CCNY: variants seen among roughly 807,000 people sequenced by gnomAD.
CCNY encodes cyclin Y.
CCNY carries 19 observed loss-of-function variants against 42.8 expected under a neutral mutation model. The observed-to-expected ratio is 0.44, with a 90% CI of 0.31 to 0.65. CCNY has a LOEUF of 0.65. Ranked by LOEUF, CCNY falls within the 30% of genes least tolerant of loss-of-function variation. The pLI is 0.07. For missense variants in CCNY, 370 were observed against 437.3 expected (o/e 0.85, Z 1.37); for synonymous variants, 165 against 162.7 (o/e 1.01, Z -0.11).
At chr10:35,299,243 T>C (rs929376781) in intron 3 of CCNY, among the ~76,000 whole-genome samples, 7 of 152,240 alleles carry the variant, frequency 4.6e-5, no homozygotes, top group Admixed American at 3.3e-4. Context: ...TAGTCTGCCA[T>C]TGCAGGGTGG....
intron 8 of CCNY, among the ~76,000 whole-genome samples, chr10:35,561,752 T>G (rs1841471451): frequency 6.6e-6 from 1 of 152,236 alleles, no homozygotes; most frequent in Non-Finnish European, 1.5e-5. Context: ...AGTCTCCCCA[T>G]GTACCTTTGG....
intron 1 of CCNY, among the ~76,000 whole-genome samples, chr10:35,391,817 C>T (rs921633506): frequency 2.6e-5 from 4 of 152,130 alleles, no homozygotes; most frequent in African/African-American, 9.7e-5. Context: ...CCTCCCTCTT[C>T]CTGTTATCCC....
intron 2 of CCNY, among the ~76,000 whole-genome samples, chr10:35,499,659 G>C (rs1341730531): frequency 1.3e-5 from 2 of 152,198 alleles, no homozygotes; most frequent in Non-Finnish European, 2.9e-5. Flanking sequence ...GCTGATGTAG[G>C]GTGTTGAGGT....
chr10:35,283,551 G>A (rs942128756), intron 3 of CCNY, among the ~76,000 whole-genome samples: 9 of 151,988 alleles, frequency 5.9e-5, no homozygotes, highest in African/African-American at 1.2e-4. Flanking sequence ...CCACAGGCAC[G>A]TGCCACCACG....
intron 3 of CCNY, among the ~76,000 whole-genome samples, chr10:35,305,319 T>C (rs1835594090): frequency 6.6e-6 from 1 of 152,222 alleles, no homozygotes; most frequent in Non-Finnish European, 1.5e-5. Context: ...ATTGTAAAAA[T>C]ACATGCTGTT....
intron 1 of CCNY, among the ~76,000 whole-genome samples, chr10:35,355,511 C>T (rs1836525516): frequency 6.6e-6 from 1 of 151,744 alleles, no homozygotes; most frequent in Non-Finnish European, 1.5e-5. Context: ...AACCCCATCT[C>T]TACCAAAAAT....
Position 35,336,564 on chromosome 10 carries a change from C to A in CCNY, c.-490C>A, listed in dbSNP as rs1032236875. Among the ~76,000 whole-genome samples, 1 of 148,828 alleles carries A rather than the reference C, an allele frequency of 6.7e-6. No homozygotes were observed. Among genetic ancestry groups the A allele is most frequent in the Non-Finnish European group, 1.5e-5 (1 of 66,764 alleles). On this transcript the variant is annotated 5_prime_UTR_variant, in exon 1 of 10. Coordinates refer to ENST00000374704, the MANE Select transcript of CCNY (RefSeq NM_145012.6). ...GAGGAGTCCGGGGGCTGCGCCCACG[C>A]CCGCTGCCCGCCCGCTCGTCGGCTA...
intron 1 of CCNY, among the ~76,000 whole-genome samples, chr10:35,372,356 T>G (rs1836955793): frequency 2.0e-5 from 3 of 152,346 alleles, no homozygotes; most frequent in Admixed American, 1.3e-4. Context: ...CTGCAAAGAT[T>G]ACTCTTCCAA....
At chr10:35,560,825 C>G (rs888938713) in intron 8 of CCNY, among the ~76,000 whole-genome samples, 7 of 152,112 alleles carry the variant, frequency 4.6e-5, no homozygotes, top group African/African-American at 1.4e-4. Flanking sequence ...CCAGTAAAAC[C>G]GTGTGAGCCC....
At chr10:35,272,277 G>C (rs1232913500) in intron 3 of CCNY, among the ~76,000 whole-genome samples, 1 of 151,546 alleles carries the variant, frequency 6.6e-6, no homozygotes, top group African/African-American at 2.4e-5. Context: ...GTGAGCCACT[G>C]TGCCTGGCCT....
Position 35,375,430 on chromosome 10 carries a change from C to T in CCNY, c.154+38223C>T, listed in dbSNP as rs968613236. 1.6e-4 allele frequency among the ~76,000 whole-genome samples: 24 copies of T among 152,286 alleles called. No homozygotes were observed. The East Asian group carries it at 3.9e-3, about 24-fold the overall frequency. On this transcript the variant is annotated intron_variant, in intron 1 of 9. Coordinates refer to ENST00000374704, the MANE Select transcript of CCNY (RefSeq NM_145012.6). ...GATCCTTGTGATTATGTTGGGTCCA[C>T]CTGGAAAATCTGGGCTCATCTCTCT...
Position 35,409,255 on chromosome 10 carries a change from C to A in CCNY, c.154+72048C>A, listed in dbSNP as rs1358728037. On this transcript the variant is annotated intron_variant, in intron 1 of 9. Transcript: ENST00000374704. Reference sequence around the variant, plus strand: ...TCTGCCATTGTCATCCCATTGGAATCAAGTTGCAAGCCAGTGAACTTGCTG... The same window carrying A: ...TCTGCCATTGTCATCCCATTGGAATAAAGTTGCAAGCCAGTGAACTTGCTG... 5.9e-5 allele frequency among the ~76,000 whole-genome samples: 9 copies of A among 152,320 alleles called. No homozygotes were observed. In the South Asian group the frequency reaches 8.3e-4, roughly 14 times the overall value.
chr10:35,310,681 G>C (rs1377354440), intron 3 of CCNY, among the ~76,000 whole-genome samples: 1 of 152,126 alleles, frequency 6.6e-6, no homozygotes, highest in Non-Finnish European at 1.5e-5. Flanking sequence ...TACAACTGTT[G>C]GTCATTTGTG....
At chr10:35,559,506 C>CAT (rs1372156411) in intron 8 of CCNY, among the ~76,000 whole-genome samples, 2 of 152,170 alleles carry the variant, frequency 1.3e-5, no homozygotes, top group Admixed American at 1.3e-4. Context: ...TCAGTCTATC[C>CAT]ATATGGCAAA....
intron 7 of CCNY, among the ~76,000 whole-genome samples, chr10:35,532,301 G>A (rs1394576190): frequency 6.6e-6 from 1 of 152,234 alleles, no homozygotes; most frequent in Admixed American, 6.5e-5. Flanking sequence ...AGTTGACAGA[G>A]ATGCATTCAT....
intron 3 of CCNY, chr10:35,289,492 G>A (rs1255048586): frequency 6.6e-6 from 1 of 152,162 alleles, no homozygotes; most frequent in Non-Finnish European, 1.5e-5. Flanking sequence ...TTACCATTAA[G>A]TATGTTTTAT....
intron 3 of CCNY, among the ~76,000 whole-genome samples, chr10:35,274,777 G>A (rs920549749): frequency 1.3e-5 from 2 of 151,874 alleles, no homozygotes; most frequent in East Asian, 3.9e-4. Flanking sequence ...TTTTTTTTGG[G>A]AGGGATGGGA....
intron 1 of CCNY, among the ~76,000 whole-genome samples, chr10:35,395,991 C>A (rs1837516564): frequency 6.6e-6 from 1 of 151,980 alleles, no homozygotes. Context: ...GGGTCTGTCT[C>A]AGTGTGCATG....
chr10:35,405,570 T>C (rs1837740108), intron 1 of CCNY, among the ~76,000 whole-genome samples: 1 of 150,562 alleles, frequency 6.6e-6, no homozygotes, highest in African/African-American at 2.5e-5. Context: ...AATTGGGGAG[T>C]TTTAAGGGGT....
Sources: gnomAD v4.1 joint callset for allele counts (sites outside exome capture counted in the v4.1 genomes callset) on GRCh38, gnomAD v4.1.1 for gene constraint, MANE v1.5 for transcripts, NCBI Gene and HGNC (gene_info 2026-07-23, HGNC 2026-07-21) for gene names.